Variants in GLRX2 observed in about 807,000 individuals in gnomAD.
GLRX2 encodes glutaredoxin 2.
Under a neutral mutation model 16.4 loss-of-function variants are expected in GLRX2, and 12 were observed. That is an observed-to-expected ratio of 0.73 (90% CI 0.47 to 1.19). The LOEUF (loss-of-function observed/expected upper bound fraction) is 1.19, where lower values mean the gene tolerates loss of function less well. Among genes scored for constraint, GLRX2 ranks in the 50% most tolerant of loss-of-function variants. GLRX2 has a pLI of 0.00. For missense variants in GLRX2, 201 were observed against 201.8 expected, an observed-to-expected ratio of 1.00 and a Z score of 0.02; for synonymous variants, 95 against 76.2, an observed-to-expected ratio of 1.25 and a Z score of -1.28.
At chr1:193,105,529 G>A, upstream of GLRX2, 1 of 1,568,020 alleles carries the variant, frequency 6.4e-7, no homozygotes, top group Non-Finnish European at 8.6e-7. Context: ...CCTCGCAGCT[G>A]AGCGCGTCCT....
chr1:193,096,630 G>A lies in GLRX2; in HGVS notation c.490C>T (p.Gln164Ter), dbSNP rs763728884. The change falls in exon 4 of 4, where the codon CAG becomes TAG. Residue 164 changes from glutamine to a stop codon, truncating the protein, a stop_gained. Transcript: ENST00000367439. LOFTEE classifies it high-confidence loss of function. ...YLKKSKRKEF[Q>*] is the part of the protein sequence containing the mutation. ...CAAACTTATTAGTATAAACATCACT[G>A]AAATTCTTTCCTCTTACTTTTTTTT... 33 of 1,572,638 alleles carry A rather than the reference G, an allele frequency of 2.1e-5. No individual in the cohort carries two copies. The highest frequency in any genetic ancestry group is 2.9e-5 in the Non-Finnish European group (33 of 1,145,752).
intron 3 of GLRX2, 107 bp downstream of exon 3, chr1:193,097,477 A>G: frequency 1.3e-6 from 1 of 778,186 alleles, no homozygotes; most frequent in Non-Finnish European, 2.0e-6. Context: ...TGCTTTATCT[A>G]TCCTCAGAGA....
intron 1 of GLRX2, among the ~76,000 whole-genome samples, chr1:193,103,923 A>G (rs566367908): frequency 3.3e-5 from 5 of 152,188 alleles, no homozygotes; most frequent in Non-Finnish European, 5.9e-5. Flanking sequence ...AAGAAAGTTG[A>G]GTTCCTGAAG....
upstream of GLRX2, chr1:193,105,448 T>G (rs944774720): frequency 6.9e-7 from 1 of 1,447,244 alleles, no homozygotes; most frequent in Non-Finnish European, 9.0e-7. Flanking sequence ...GCCCGCCTCC[T>G]CCGGCCCGGC....
chr1:193,105,500 G>A (rs1278658096), upstream of GLRX2: 4 of 1,350,708 alleles, frequency 3.0e-6, no homozygotes, highest in Non-Finnish European at 3.9e-6. Flanking sequence ...CGGACTGCCC[G>A]CGCCGCCGCC....
upstream of GLRX2, chr1:193,105,557 G>A (rs1392788722): frequency 4.4e-6 from 7 of 1,600,714 alleles, no homozygotes; most frequent in Non-Finnish European, 6.0e-6. Context: ...CTGCCCGAGC[G>A]CTGGATTCCA....
At chr1:193,102,616 G>A (rs1158432223) in intron 1 of GLRX2, among the ~76,000 whole-genome samples, 1 of 152,112 alleles carries the variant, frequency 6.6e-6, no homozygotes, top group Non-Finnish European at 1.5e-5. Context: ...GCCTCCCAAA[G>A]TGCTGGGATT....
chr1:193,099,601 G>T (rs967446971), intron 2 of GLRX2, among the ~76,000 whole-genome samples: 1 of 152,076 alleles, frequency 6.6e-6, no homozygotes, highest in Non-Finnish European at 1.5e-5. Flanking sequence ...CAAAGTGCTG[G>T]GATTAAGACA....
intron 2 of GLRX2, among the ~76,000 whole-genome samples, chr1:193,099,967 C>T (rs948117757): frequency 6.6e-6 from 1 of 152,186 alleles, no homozygotes; most frequent in African/African-American, 2.4e-5. Flanking sequence ...GTGCTCTTCC[C>T]TCCACCATGC....
At chr1:193,097,825 A>G (rs1243963665) in intron 2 of GLRX2, 65 bp from the exon 3 acceptor site, 6 of 1,182,736 alleles carry the variant, frequency 5.1e-6, no homozygotes, top group Admixed American at 5.4e-5. Context: ...AAATTAAGAT[A>G]TAATGGAAAG....
At chr1:193,104,556 A>G (rs986003442) in intron 1 of GLRX2, among the ~76,000 whole-genome samples, 9 of 152,268 alleles carry the variant, frequency 5.9e-5, no homozygotes, top group African/African-American at 1.7e-4. Context: ...ATAGCGAGAC[A>G]GACTCTCCGG....
intron 1 of GLRX2, among the ~76,000 whole-genome samples, chr1:193,101,878 G>T (rs926342500): frequency 2.6e-5 from 4 of 151,890 alleles, no homozygotes; most frequent in African/African-American, 9.7e-5. Flanking sequence ...GCTTGTAAAA[G>T]GAAGCATTCA....
upstream of GLRX2, chr1:193,105,557 G>T (rs1392788722): frequency 6.2e-7 from 1 of 1,600,832 alleles, no homozygotes; most frequent in South Asian, 1.1e-5. Flanking sequence ...CTGCCCGAGC[G>T]CTGGATTCCA....
rs1675167152 is a variant in GLRX2, at chr1:193,105,272, C to G, written c.111G>C (p.Ala37=). ...GCCCGCTGACCCCGTACCCAGAGGC[C>G]GCAGCTGCCGCAGCTCCCGCAGCTC... is the stretch of plus-strand genomic sequence containing the variant. ...AAGAAGAAAA[A]ASGMESNTSS... is the part of the protein sequence containing the mutation. The change falls in exon 1 of 4, where the codon GCG becomes GCC. Residue 37 remains alanine (A), a synonymous_variant. Transcript: ENST00000367439. The G allele has an allele frequency of 1.3e-6, 2 of 1,528,610 alleles. No individual in the cohort carries two copies. The highest frequency in any genetic ancestry group is 1.7e-6 in the Non-Finnish European group (2 of 1,146,386). 94.7% of individuals were successfully genotyped at this position (1,528,610 alleles called of 1,614,324 possible).
upstream of GLRX2, chr1:193,105,552 C>A: frequency 6.3e-7 from 1 of 1,598,682 alleles, no homozygotes. Flanking sequence ...CAGGGCTGCC[C>A]GAGCGCTGGA....
At chr1:193,105,806 C>G (rs563966482), upstream of GLRX2, 4 of 1,327,908 alleles carry the variant, frequency 3.0e-6, no homozygotes, top group African/African-American at 3.1e-5. Flanking sequence ...TTCCAACTAC[C>G]TGTTACACAA....
chr1:193,097,467 T>G, intron 3 of GLRX2, 117 bp downstream of exon 3: 1 of 683,022 alleles, frequency 1.5e-6, no homozygotes, highest in Non-Finnish European at 2.3e-6. Flanking sequence ...GATCTGCAGC[T>G]GCTTTATCTA....
At chr1:193,098,978 T>TC (rs1675018119) in intron 2 of GLRX2, among the ~76,000 whole-genome samples, 1 of 152,252 alleles carries the variant, frequency 6.6e-6, no homozygotes, top group Non-Finnish European at 1.5e-5. Flanking sequence ...GGCTTACCCC[T>TC]CTACTTCTAT....
chr1:193,097,443 G>A (rs1674982028), intron 3 of GLRX2, 141 bp downstream of exon 3: 5 of 551,826 alleles, frequency 9.1e-6, no homozygotes, highest in Non-Finnish European at 1.5e-5. Context: ...CCTATTCTAA[G>A]AATCTGGTTC....
Sources: allele counts gnomAD v4.1 joint callset (sites outside exome capture counted in the v4.1 genomes callset), GRCh38; gene constraint gnomAD v4.1.1; transcripts MANE v1.5; gene names NCBI Gene and HGNC (gene_info 2026-07-23, HGNC 2026-07-21).